FRMD4A: variants seen among roughly 807,000 people sequenced by gnomAD.
FRMD4A encodes FERM domain-containing protein 4A.
Under a neutral mutation model 129.1 loss-of-function variants are expected in FRMD4A, and 29 were observed. The observed-to-expected ratio is 0.22, with a 90% CI of 0.17 to 0.31. The LOEUF (loss-of-function observed/expected upper bound fraction) is 0.31, where lower values mean the gene tolerates loss of function less well. Ranked by LOEUF, FRMD4A falls within the 10% of genes least tolerant of loss-of-function variation. The pLI is 1.00. For synonymous variants in FRMD4A, 634 were observed against 571.6 expected (o/e 1.11, Z -1.56); for missense variants, 1,272 against 1,375.8 (o/e 0.92, Z 1.19).
At chr10:14,187,971 C>A (rs916844102) in intron 2 of FRMD4A, among the ~76,000 whole-genome samples, 1 of 152,052 alleles carries the variant, frequency 6.6e-6, no homozygotes, top group Non-Finnish European at 1.5e-5. Flanking sequence ...TACAATTTTC[C>A]CATCTCTAGT....
chr10:14,085,722 T>A (rs1436477254), intron 2 of FRMD4A, among the ~76,000 whole-genome samples: 1 of 152,176 alleles, frequency 6.6e-6, no homozygotes, highest in Non-Finnish European at 1.5e-5. Context: ...TGTGGAAACC[T>A]CCTCTCTGTG....
Position 14,115,516 on chromosome 10 carries a change from T to C in FRMD4A, c.45+214542A>G, listed in dbSNP as rs189683808. Among the ~76,000 whole-genome samples, 277 of 152,356 alleles carry C rather than the reference T, an allele frequency of 1.8e-3. 3 individuals are homozygous for C. The highest frequency in any genetic ancestry group is 3.2e-4 in the Non-Finnish European group (22 of 68,034). ...ATAGACATTGATAAAGTTTGGATAT[T>C]TGTCCCCTTTTAATCTCATGTGGAA... is the stretch of plus-strand genomic sequence containing the variant. On this transcript the variant is annotated intron_variant, in intron 2 of 24. Coordinates refer to ENST00000357447, the MANE Select transcript of FRMD4A (RefSeq NM_018027.5).
rs138509798 is a variant in FRMD4A at position 13,972,248 on chromosome 10, G to C, written c.46-113336C>G. The C allele has an allele frequency of 4.7e-4, 471 of 993,548 alleles. 3 individuals carry two copies. The African/African-American group carries it at 7.6e-3, about 16-fold the overall frequency. The allele number at this position is 993,548 out of a possible 1,614,324, so 61.5% of individuals were successfully genotyped here. On this transcript the variant is annotated intron_variant, in intron 2 of 24. Coordinates refer to ENST00000357447, the MANE Select transcript of FRMD4A (RefSeq NM_018027.5). ...AGAAAGCTAAGAGCAGAGAGCTGCA[G>C]CCTTCCCTGCAACATTCCCCAGACA... is the stretch of plus-strand genomic sequence containing the variant.
chr10:14,101,758 A>G (rs1837315724), intron 2 of FRMD4A, among the ~76,000 whole-genome samples: 1 of 151,904 alleles, frequency 6.6e-6, no homozygotes, highest in South Asian at 2.1e-4. Flanking sequence ...ACACAACACA[A>G]CACAACACAA....
intron 13 of FRMD4A, among the ~76,000 whole-genome samples, chr10:13,703,261 TC>T (rs1450790170): frequency 6.8e-6 from 1 of 148,104 alleles, no homozygotes; most frequent in Non-Finnish European, 1.5e-5. Context: ...TACTCAGAGT[TC>T]TTCTCCTGCT....
At chr10:13,948,540 G>C (rs566041256) in intron 2 of FRMD4A, among the ~76,000 whole-genome samples, 1 of 152,102 alleles carries the variant, frequency 6.6e-6, no homozygotes. Context: ...ATGGGGAGGG[G>C]TTAGGAGCAT....
intron 2 of FRMD4A, among the ~76,000 whole-genome samples, chr10:13,997,483 A>G (rs1049523083): frequency 6.6e-5 from 10 of 152,038 alleles, no homozygotes; most frequent in Admixed American, 3.9e-4. Flanking sequence ...CTGGAACACT[A>G]TATATTAAGG....
intron 2 of FRMD4A, among the ~76,000 whole-genome samples, chr10:14,301,662 ACT>A (rs1564450921): frequency 1.3e-5 from 2 of 151,754 alleles, no homozygotes; most frequent in Non-Finnish European, 2.9e-5. Flanking sequence ...ATAATCTCAA[ACT>A]CTATTCATAA....
intron 3 of FRMD4A, among the ~76,000 whole-genome samples, chr10:13,852,067 C>T (rs1209014881): frequency 6.6e-6 from 1 of 151,742 alleles, no homozygotes; most frequent in East Asian, 1.9e-4. Context: ...AAATAAAGTG[C>T]ACAATAAATG....
At chr10:13,981,143 G>A (rs1461515430) in intron 2 of FRMD4A, among the ~76,000 whole-genome samples, 1 of 152,164 alleles carries the variant, frequency 6.6e-6, no homozygotes. Flanking sequence ...GTAGTGTGGT[G>A]TGTTCTTGAT....
intron 8 of FRMD4A, among the ~76,000 whole-genome samples, chr10:13,750,803 G>A (rs957878298): frequency 1.1e-4 from 17 of 152,060 alleles, no homozygotes; most frequent in East Asian, 1.9e-4. Context: ...ATTTTCAAAC[G>A]GGTAAACTCC....
intron 2 of FRMD4A, among the ~76,000 whole-genome samples, chr10:14,319,451 C>T (rs1260159751): frequency 6.7e-6 from 1 of 150,054 alleles, no homozygotes; most frequent in Non-Finnish European, 1.5e-5. Flanking sequence ...GTTCCTAGTT[C>T]GGCCATGCCT....
At chr10:13,880,883 T>C (rs1454322678) in intron 2 of FRMD4A, among the ~76,000 whole-genome samples, 1 of 152,106 alleles carries the variant, frequency 6.6e-6, no homozygotes, top group Non-Finnish European at 1.5e-5. Flanking sequence ...GCATCCTCTG[T>C]CACTTACTTA....
intron 8 of FRMD4A, among the ~76,000 whole-genome samples, chr10:13,749,046 T>A (rs2130640274): frequency 6.6e-6 from 1 of 152,294 alleles, no homozygotes; most frequent in East Asian, 1.9e-4. Context: ...CAGGTCTGCA[T>A]CCCCTCTGGG....
rs376826116 is a variant in FRMD4A, at chr10:13,666,110, C to T, written c.1590G>A (p.Ser530=). ...KSGKKPTQRA[S]LIIDDGNIAS... is the part of the protein sequence containing the mutation. ...GTTGGCACTGACCGTCTATGATCAG[C>T]GAAGCCCTCTGGGTGGGTTTCTTCC... is the stretch of plus-strand genomic sequence containing the variant. The change falls in exon 18 of 25, where the codon TCG becomes TCA. Residue 530 remains serine, a synonymous_variant. Transcript: ENST00000357447. 319 of 1,603,160 alleles carry T rather than the reference C, an allele frequency of 2.0e-4. 1 individual carries two copies. The South Asian group carries it at 2.9e-3, about 14-fold the overall frequency.
chr10:13,923,992 G>C (rs532026604), intron 2 of FRMD4A, among the ~76,000 whole-genome samples: 4 of 152,232 alleles, frequency 2.6e-5, no homozygotes, highest in Non-Finnish European at 5.9e-5. Flanking sequence ...CCATGTGAGA[G>C]GGATCAACCA....
chr10:14,167,464 G>A (rs1437321030), intron 2 of FRMD4A, among the ~76,000 whole-genome samples: 2 of 145,046 alleles, frequency 1.4e-5, no homozygotes, highest in Non-Finnish European at 3.0e-5. Context: ...CTCAGGTCAG[G>A]AGGCAGAAGT....
chr10:14,236,023 G>A (rs1000176134), intron 2 of FRMD4A, among the ~76,000 whole-genome samples: 1 of 152,202 alleles, frequency 6.6e-6, no homozygotes, highest in Non-Finnish European at 1.5e-5. Context: ...CTGGAAGAAG[G>A]TGAAACAGAG....
intron 2 of FRMD4A, among the ~76,000 whole-genome samples, chr10:14,002,770 G>A (rs2095646994): frequency 6.6e-6 from 1 of 152,134 alleles, no homozygotes; most frequent in Non-Finnish European, 1.5e-5. Context: ...GGGAAGGGAT[G>A]GGGTGCCTGG....
Sources: gnomAD v4.1 joint callset for allele counts (sites outside exome capture counted in the v4.1 genomes callset) on GRCh38, gnomAD v4.1.1 for gene constraint, MANE v1.5 for transcripts, NCBI Gene and HGNC (gene_info 2026-07-23, HGNC 2026-07-21) for gene names.